Variants in COBL observed in about 807,000 individuals in gnomAD.
The protein encoded by COBL is protein cordon-bleu.
A neutral mutation model predicts 98.8 loss-of-function variants in COBL; 51 were observed. That is an observed-to-expected ratio of 0.52 (90% CI 0.41 to 0.65). The LOEUF is 0.65. Among genes scored for constraint, COBL ranks in the 30% least tolerant of loss-of-function variants. COBL has a pLI of 0.00. For missense variants in COBL, 1,617 were observed against 1,617.5 expected (o/e 1.00, Z 0.01); for synonymous variants, 634 against 651.7 (o/e 0.97, Z 0.41).
chr7:51,044,817 C>T (rs755886954), intron 7 of COBL, among the ~76,000 whole-genome samples: 5 of 152,170 alleles, frequency 3.3e-5, no homozygotes, highest in Non-Finnish European at 7.3e-5. Flanking sequence ...TTTAACTGGA[C>T]AGGAGACTAA....
At chr7:51,024,145 T>C (rs1393006100) in intron 12 of COBL, among the ~76,000 whole-genome samples, 1 of 151,892 alleles carries the variant, frequency 6.6e-6, no homozygotes, top group Admixed American at 6.5e-5. Flanking sequence ...CCATCTCGAC[T>C]AAAACCACAA....
intron 7 of COBL, among the ~76,000 whole-genome samples, chr7:51,068,087 A>G (rs1792132340): frequency 6.6e-6 from 1 of 152,192 alleles, no homozygotes; most frequent in Non-Finnish European, 1.5e-5. Flanking sequence ...GCGGTTCTCA[A>G]GCCAGGCTTG....
intron 5 of COBL, among the ~76,000 whole-genome samples, chr7:51,152,919 C>A (rs1380155629): frequency 6.6e-6 from 1 of 152,130 alleles, no homozygotes; most frequent in Non-Finnish European, 1.5e-5. Flanking sequence ...ATCCATGGCC[C>A]CCAGATCAAG....
At chr7:51,244,446 C>A (rs1374908264) in intron 1 of COBL, among the ~76,000 whole-genome samples, 1 of 152,198 alleles carries the variant, frequency 6.6e-6, no homozygotes, top group Non-Finnish European at 1.5e-5. Flanking sequence ...AATAGCCACT[C>A]ACATGTCCAA....
intron 2 of COBL, among the ~76,000 whole-genome samples, chr7:51,201,590 T>A (rs138896392): frequency 6.6e-6 from 1 of 152,286 alleles, no homozygotes; most frequent in Non-Finnish European, 1.5e-5. Flanking sequence ...GTAAACAGAA[T>A]AACTGAAAAA....
intron 7 of COBL, among the ~76,000 whole-genome samples, chr7:51,050,129 A>G (rs747592101): frequency 1.1e-4 from 16 of 152,342 alleles, no homozygotes; most frequent in Middle Eastern, 3.4e-3. Context: ...GCACTACTAT[A>G]TACACACACA....
At chr7:51,229,113 G>A (rs1248611673) in intron 1 of COBL, among the ~76,000 whole-genome samples, 1 of 152,134 alleles carries the variant, frequency 6.6e-6, no homozygotes, top group Non-Finnish European at 1.5e-5. Context: ...CACAGCCAAC[G>A]CTGTTCCAGG....
At chr7:51,259,427 G>GTCTA (rs1797514540) in intron 1 of COBL, 2 of 486,170 alleles carry the variant, frequency 4.1e-6, no homozygotes, top group Non-Finnish European at 7.5e-6. Flanking sequence ...CCTCACCTGG[G>GTCTA]TCTAGTTCAG....
chr7:51,100,618 T>G (rs535025186), intron 6 of COBL, among the ~76,000 whole-genome samples: 10 of 152,206 alleles, frequency 6.6e-5, no homozygotes, highest in Non-Finnish European at 1.3e-4. Flanking sequence ...GCAGCTCTTT[T>G]GGCTGAGTGC....
intron 1 of COBL, among the ~76,000 whole-genome samples, chr7:51,276,043 G>C (rs1036542969): frequency 9.2e-5 from 14 of 152,222 alleles, no homozygotes; most frequent in African/African-American, 3.1e-4. Flanking sequence ...ATTGGGGGAA[G>C]AATTGTTTGA....
At position 51,043,646 on chromosome 7, in the gene COBL, G is replaced by T; in HGVS notation, c.1143C>A (p.Ala381=). The change falls in exon 8 of 13, where the codon GCC becomes GCA. Residue 381 remains alanine (A), a synonymous_variant. Transcript: ENST00000265136. ...CCTCCGCCTCTGACAGCACCTGCGG[G>T]GCTCCATCCGGGCTGCAGTGGCTGC... The part of the protein sequence containing the change: ...GSGSHCSPDG[A]PQVLSEAEET... 2 of 1,614,168 alleles carry T rather than the reference G, an allele frequency of 1.2e-6. No homozygotes were observed. The highest frequency in any genetic ancestry group is 1.7e-6 in the Non-Finnish European group (2 of 1,180,044).
At chr7:51,242,788 G>C (rs1795914520) in intron 1 of COBL, among the ~76,000 whole-genome samples, 1 of 152,152 alleles carries the variant, frequency 6.6e-6, no homozygotes, top group African/African-American at 2.4e-5. Context: ...CCGACTCCTG[G>C]GTAGAAGAGG....
intron 5 of COBL, among the ~76,000 whole-genome samples, chr7:51,152,407 C>T (rs900198868): frequency 6.6e-6 from 1 of 152,096 alleles, no homozygotes; most frequent in African/African-American, 2.4e-5. Context: ...CACTTTTGTC[C>T]CATCCTCCTA....
chr7:51,051,564 T>C (rs1410124108), intron 7 of COBL, among the ~76,000 whole-genome samples: 1 of 152,220 alleles, frequency 6.6e-6, no homozygotes, highest in Admixed American at 6.5e-5. Flanking sequence ...CTTTCATGCA[T>C]TAAAAACAAA....
chr7:51,086,891 A>G (rs773813971), intron 6 of COBL, among the ~76,000 whole-genome samples: 3 of 152,128 alleles, frequency 2.0e-5, no homozygotes, highest in Admixed American at 6.6e-5. Flanking sequence ...TACATAAAAC[A>G]TGGACATAAC....
At chr7:51,049,817 G>A (rs897273230) in intron 7 of COBL, among the ~76,000 whole-genome samples, 1 of 152,178 alleles carries the variant, frequency 6.6e-6, no homozygotes, top group Non-Finnish European at 1.5e-5. Flanking sequence ...ATGTTCAGGA[G>A]GCACGGTTTG....
At chr7:51,025,996 G>A (rs1588250572) in intron 11 of COBL, among the ~76,000 whole-genome samples, 1 of 152,168 alleles carries the variant, frequency 6.6e-6, no homozygotes, top group Non-Finnish European at 1.5e-5. Context: ...CATAGAGGCT[G>A]GACACATACA....
chr7:51,218,745 G>C (rs546038195), intron 2 of COBL, among the ~76,000 whole-genome samples: 14 of 152,190 alleles, frequency 9.2e-5, no homozygotes, highest in African/African-American at 2.6e-4. Context: ...CAAAGTGATG[G>C]GACTACAGGC....
intron 2 of COBL, among the ~76,000 whole-genome samples, chr7:51,208,881 A>C (rs562596289): frequency 4.3e-4 from 65 of 151,918 alleles, no homozygotes; most frequent in Admixed American, 3.4e-3. Flanking sequence ...ACCACTCCCT[A>C]ATCTCAAGTA....
Sources: gnomAD v4.1 joint callset for allele counts (sites outside exome capture counted in the v4.1 genomes callset) on GRCh38, gnomAD v4.1.1 for gene constraint, MANE v1.5 for transcripts, NCBI Gene and HGNC (gene_info 2026-07-23, HGNC 2026-07-21) for gene names.